SLC24A2: variants seen among roughly 807,000 people sequenced by gnomAD.
SLC24A2 encodes the protein sodium/potassium/calcium exchanger 2.
SLC24A2 carries 36 observed loss-of-function variants against 62.0 expected under a neutral mutation model. The observed-to-expected ratio is 0.58, with a 90% CI of 0.44 to 0.77. The LOEUF (loss-of-function observed/expected upper bound fraction) is 0.77, where lower values mean the gene tolerates loss of function less well. Among genes scored for constraint, SLC24A2 ranks in the 30% least tolerant of loss-of-function variants. SLC24A2 has a pLI of 0.00. For synonymous variants in SLC24A2, 358 were observed against 294.0 expected, an observed-to-expected ratio of 1.22 and a Z score of -2.23; for missense variants, 846 against 817.9, an observed-to-expected ratio of 1.03 and a Z score of -0.42.
intron 2 of SLC24A2, among the ~76,000 whole-genome samples, chr9:19,711,957 T>C (rs550926242): frequency 2.6e-5 from 4 of 152,164 alleles, no homozygotes; most frequent in African/African-American, 4.8e-5. Context: ...ACAAGGGCAG[T>C]TGGCTAGCCA....
chr9:19,555,006 T>C (rs769967261), intron 7 of SLC24A2, among the ~76,000 whole-genome samples: 5 of 152,146 alleles, frequency 3.3e-5, no homozygotes, highest in Non-Finnish European at 5.9e-5. Context: ...GATATCTTAT[T>C]AATGCAGGTC....
chr9:19,698,381 T>C lies in SLC24A2; in HGVS notation c.931-76082A>G, dbSNP rs117298749. On this transcript the variant is annotated intron_variant, in intron 2 of 10. Coordinates refer to ENST00000341998, the MANE Select transcript of SLC24A2 (RefSeq NM_020344.4). Reference sequence around the variant, plus strand: ...GTCTAATCCCCAAGACCTATCATTATATATGTATATGTAGATATTTCAAAG... The same window carrying C: ...GTCTAATCCCCAAGACCTATCATTACATATGTATATGTAGATATTTCAAAG... Among the ~76,000 whole-genome samples the C allele has an allele frequency of 4.4e-3, 670 of 152,332 alleles. 13 individuals carry two copies. The East Asian group carries it at 0.045, about 10-fold the overall frequency.
At position 19,516,234 on chromosome 9, in the gene SLC24A2, G is replaced by C. The variant is rs1194318975; in HGVS notation, c.1905C>G (p.Ile635Met). 5 of 1,614,216 alleles carry C rather than the reference G, an allele frequency of 3.1e-6. No homozygotes were observed. The East Asian group carries it at 6.7e-5, about 22-fold the overall frequency. Residue 635 changes from isoleucine to methionine, a missense_variant, in exon 11 of 11, where the codon ATC becomes ATG. By Grantham distance (10) the Ile-to-Met change is conservative. Coordinates refer to ENST00000341998, the MANE Select transcript of SLC24A2 (RefSeq NM_020344.4). ...KWRMNKILGF[I>M]MFGLYFVFLV... ...GGAACACAAAGTAGAGGCCAAACAT[G>C]ATGAAGCCCAGGATTTTGTTCATTC...
At chr9:20,139,401 G>A in the SLC24A2 span, among the ~76,000 whole-genome samples, 5 of 152,266 alleles carry the variant, frequency 3.3e-5, no homozygotes, top group African/African-American at 9.6e-5. Context: ...TGTGAGCAAT[G>A]AATGAAATTA....
At chr9:19,626,846 G>A (rs1254805628) in intron 2 of SLC24A2, among the ~76,000 whole-genome samples, 1 of 152,050 alleles carries the variant, frequency 6.6e-6, no homozygotes, top group East Asian at 1.9e-4. Flanking sequence ...TGTTAAAGAT[G>A]AATAAACCTC....
the SLC24A2 span, among the ~76,000 whole-genome samples, chr9:20,203,206 G>C: frequency 6.6e-6 from 1 of 151,900 alleles, no homozygotes; most frequent in African/African-American, 2.4e-5. Flanking sequence ...CAGGGCAAGA[G>C]TGGAAATCTC....
intron 5 of SLC24A2, among the ~76,000 whole-genome samples, chr9:19,587,310 A>G (rs918438401): frequency 3.9e-5 from 6 of 152,196 alleles, no homozygotes; most frequent in African/African-American, 1.4e-4. Flanking sequence ...AAAGTGGAAG[A>G]TTTTATATTT....
chr9:19,583,007 G>C (rs534097301), intron 5 of SLC24A2, among the ~76,000 whole-genome samples: 1 of 152,134 alleles, frequency 6.6e-6, no homozygotes, highest in South Asian at 2.1e-4. Flanking sequence ...GCCCCAGCCA[G>C]TCTCATCCCA....
chr9:20,087,921 G>A, the SLC24A2 span, among the ~76,000 whole-genome samples: 2 of 152,176 alleles, frequency 1.3e-5, no homozygotes, highest in Non-Finnish European at 2.9e-5. Flanking sequence ...AGCGGTGAGT[G>A]AGTGAGCGAT....
chr9:19,622,223 G>A, intron 3 of SLC24A2, 38 bp downstream of exon 3: 1 of 1,595,228 alleles, frequency 6.3e-7, no homozygotes, highest in South Asian at 1.1e-5. Flanking sequence ...CTCTCCACAG[G>A]CACACAAACA....
the SLC24A2 span, among the ~76,000 whole-genome samples, chr9:20,052,201 A>T: frequency 6.6e-6 from 1 of 152,160 alleles, no homozygotes; most frequent in African/African-American, 2.4e-5. Context: ...ACTTAACATA[A>T]CCACTCTTCT....
At chr9:19,936,698 GCAAATATAAAA>G in the SLC24A2 span, among the ~76,000 whole-genome samples, 2 of 152,156 alleles carry the variant, frequency 1.3e-5, no homozygotes, top group Non-Finnish European at 1.5e-5. Context: ...AAGTAATAAT[GCAAATATAAAA>G]CATTTGGAGG....
At chr9:19,896,213 G>A in the SLC24A2 span, among the ~76,000 whole-genome samples, 5 of 152,296 alleles carry the variant, frequency 3.3e-5, no homozygotes, top group Non-Finnish European at 7.3e-5. Flanking sequence ...AAAACTTCTG[G>A]ATTGCCAAGT....
chr9:19,776,417 G>A (rs74429673), intron 2 of SLC24A2, among the ~76,000 whole-genome samples: 3 of 152,162 alleles, frequency 2.0e-5, no homozygotes, highest in African/African-American at 4.8e-5. Flanking sequence ...TGTTGATGTA[G>A]TAAGTACCTG....
chr9:19,750,169 T>C lies in SLC24A2; in HGVS notation c.930+35768A>G, dbSNP rs376014918. On this transcript the variant is annotated intron_variant, in intron 2 of 10. Transcript: ENST00000341998. Reference sequence around the variant, plus strand: ...TTAGCTTGTAAAGCTGACTGGAAGATAATGTTTTAACTGAGGTCCAGAATA... The same window carrying C: ...TTAGCTTGTAAAGCTGACTGGAAGACAATGTTTTAACTGAGGTCCAGAATA... Among the ~76,000 whole-genome samples, 20 of 152,266 alleles carry C rather than the reference T, an allele frequency of 1.3e-4. No individual in the cohort carries two copies. In the East Asian group the frequency reaches 2.3e-3, roughly 18 times the overall value.
At chr9:19,597,139 A>G in intron 5 of SLC24A2, 90 bp downstream of exon 5, 1 of 854,216 alleles carries the variant, frequency 1.2e-6, no homozygotes, top group South Asian at 1.4e-5. Flanking sequence ...GAAGTCATGC[A>G]GAGAGGAAAA....
rs886745260 is a variant in SLC24A2 at position 19,513,710 on chromosome 9, G to A, written c.*2443C>T. 1 of 152,150 alleles carries A rather than the reference G, an allele frequency of 6.6e-6. No individual in the cohort carries two copies. The highest frequency in any genetic ancestry group is 2.4e-5 in the African/African-American group (1 of 41,436). The allele number at this position is 152,150 out of a possible 1,614,324, so 9.4% of individuals were successfully genotyped here. ...CTTCAACTTCTGTTTTACATGGTCT[G>A]TTTGCAGTTGAGTCAGTCACCTATT... On this transcript the variant is annotated 3_prime_UTR_variant, in exon 11 of 11. Transcript: ENST00000341998.
At chr9:20,038,082 G>A in the SLC24A2 span, among the ~76,000 whole-genome samples, 1 of 152,164 alleles carries the variant, frequency 6.6e-6, no homozygotes, top group African/African-American at 2.4e-5. Flanking sequence ...AGCTCTTTGG[G>A]GTCATCTTAA....
At chr9:19,550,069 G>A (rs1355820967) in intron 8 of SLC24A2, 68 bp downstream of exon 8, 17 of 1,515,188 alleles carry the variant, frequency 1.1e-5, no homozygotes, top group Admixed American at 1.0e-4. Flanking sequence ...ACAAACTGAA[G>A]CAGACTATGC....
Sources: gnomAD v4.1 joint callset for allele counts (sites outside exome capture counted in the v4.1 genomes callset) on GRCh38, gnomAD v4.1.1 for gene constraint, MANE v1.5 for transcripts, NCBI Gene and HGNC (gene_info 2026-07-23, HGNC 2026-07-21) for gene names.